Variants in ACYP2 observed in about 807,000 individuals in gnomAD.
ACYP2 encodes acylphosphatase 2, also known as acylphosphatase-2.
Under a neutral mutation model 11.2 loss-of-function variants are expected in ACYP2, and 12 were observed. The ratio of observed to expected loss-of-function variants is 1.08; its 90% CI spans 0.69 to 1.74. The LOEUF (loss-of-function observed/expected upper bound fraction) is 1.74. Ranked by LOEUF, ACYP2 falls within the 40% of genes most tolerant of loss-of-function variation. ACYP2 has a pLI of 0.00. For missense variants in ACYP2, 134 were observed against 101.9 expected (o/e 1.31, Z -1.35); for synonymous variants, 43 against 32.2 (o/e 1.33, Z -1.13).
chr2:54,086,515 T>C (rs1677956860), intron 4 of ACYP2, among the ~76,000 whole-genome samples: 1 of 152,160 alleles, frequency 6.6e-6, no homozygotes, highest in East Asian at 1.9e-4. Flanking sequence ...ATATAAGGTA[T>C]TTAGGAGATT....
At chr2:54,288,327 C>G (rs1689164715) in intron 6 of ACYP2, among the ~76,000 whole-genome samples, 1 of 151,958 alleles carries the variant, frequency 6.6e-6, no homozygotes, top group Non-Finnish European at 1.5e-5. Context: ...AAACTATAGC[C>G]TCATTAACTT....
chr2:54,216,433 T>G (rs1008256761), intron 6 of ACYP2, among the ~76,000 whole-genome samples: 3 of 152,176 alleles, frequency 2.0e-5, no homozygotes, highest in Non-Finnish European at 2.9e-5. Flanking sequence ...ATATTAAATA[T>G]GAAGATTAAT....
At chr2:54,203,983 T>TTTG (rs896182194) in intron 6 of ACYP2, among the ~76,000 whole-genome samples, 9 of 152,106 alleles carry the variant, frequency 5.9e-5, no homozygotes, top group South Asian at 4.2e-4. Context: ...TTATGAGGTT[T>TTTG]TTGTTGTTGT....
At chr2:53,983,953 A>G (rs911820703) in intron 2 of ACYP2, among the ~76,000 whole-genome samples, 1 of 152,204 alleles carries the variant, frequency 6.6e-6, no homozygotes, top group Non-Finnish European at 1.5e-5. Context: ...CCAGATTACA[A>G]GCAGTCATGG....
chr2:53,995,488 T>A lies in ACYP2; in HGVS notation c.62+21678T>A, dbSNP rs186321423. Among the ~76,000 whole-genome samples the A allele has an allele frequency of 6.3e-4, 92 of 145,112 alleles. 1 individual carries two copies. The South Asian group carries it at 8.2e-3, about 13-fold the overall frequency. ...ATTATTTTTTATTTATTTATTTATT[T>A]TTTATTTATTTATTTATTTATTTAT... On this transcript the variant is annotated intron_variant, in intron 2 of 6. Transcript: ENST00000607452.
At chr2:54,259,330 G>A (rs1391925653) in intron 6 of ACYP2, among the ~76,000 whole-genome samples, 1 of 152,134 alleles carries the variant, frequency 6.6e-6, no homozygotes, top group African/African-American at 2.4e-5. Context: ...CACATTTTGG[G>A]ATAATCAGCA....
intron 1 of ACYP2, among the ~76,000 whole-genome samples, chr2:53,972,746 G>A (rs1671231298): frequency 6.6e-6 from 1 of 152,242 alleles, no homozygotes; most frequent in Non-Finnish European, 1.5e-5. Context: ...CAGCAGAATG[G>A]CTTGGGCTTA....
intron 2 of ACYP2, among the ~76,000 whole-genome samples, chr2:54,015,109 G>A (rs570166697): frequency 6.0e-4 from 92 of 152,300 alleles, no homozygotes; most frequent in Admixed American, 4.7e-3. Context: ...GCTCATGCCT[G>A]TAATCCCAGC....
chr2:53,974,362 A>T (rs1671359842), intron 2 of ACYP2, among the ~76,000 whole-genome samples: 1 of 152,198 alleles, frequency 6.6e-6, no homozygotes, highest in Non-Finnish European at 1.5e-5. Flanking sequence ...TCAGAGGAGG[A>T]AAGCAGGGAA....
intron 6 of ACYP2, among the ~76,000 whole-genome samples, chr2:54,167,615 G>A (rs774118885): frequency 1.3e-5 from 2 of 152,100 alleles, no homozygotes; most frequent in Admixed American, 6.6e-5. Context: ...AATATGGCCT[G>A]GGTATGAAAG....
chr2:54,115,335 G>A (rs1321932670), intron 4 of ACYP2: 1 of 497,870 alleles, frequency 2.0e-6, no homozygotes, highest in Admixed American at 4.0e-5. Flanking sequence ...GCTGGGGGAA[G>A]CCACTCTTTT....
rs1483094839 is a variant in ACYP2, at chr2:53,984,527, A to G, written c.62+10717A>G. ...GGGGGGTGGGGGTTGCAGCGAGCCG[A>G]GATCGCACCACTGTACTCCAGCCTG... is the stretch of plus-strand genomic sequence containing the variant. On this transcript the variant is annotated intron_variant, in intron 2 of 6. Coordinates refer to ENST00000607452, the MANE Select transcript of ACYP2 (RefSeq NM_001320586.2). 2.6e-5 allele frequency among the ~76,000 whole-genome samples: 4 copies of G among 152,048 alleles called. No individual in the cohort carries two copies. In the East Asian group the frequency reaches 7.7e-4, roughly 29 times the overall value.
intron 6 of ACYP2, among the ~76,000 whole-genome samples, chr2:54,169,334 CT>C (rs1170363855): frequency 6.6e-6 from 1 of 152,134 alleles, no homozygotes; most frequent in African/African-American, 2.4e-5. Context: ...CCATGAGAGC[CT>C]CCCCTATCCC....
chr2:54,086,153 C>T (rs1047959878), intron 4 of ACYP2, among the ~76,000 whole-genome samples: 6 of 152,122 alleles, frequency 3.9e-5, no homozygotes, highest in Admixed American at 6.6e-5. Context: ...CCATGTTGGC[C>T]AGGCTGGTCT....
At chr2:54,158,785 T>TA (rs1439159786) in intron 6 of ACYP2, among the ~76,000 whole-genome samples, 5 of 152,108 alleles carry the variant, frequency 3.3e-5, no homozygotes, top group African/African-American at 1.2e-4. Context: ...CTTTTGTAAG[T>TA]AAAAAAATTG....
intron 4 of ACYP2, among the ~76,000 whole-genome samples, chr2:54,092,232 C>G (rs954584246): frequency 1.3e-5 from 2 of 152,140 alleles, no homozygotes; most frequent in Admixed American, 1.3e-4. Flanking sequence ...CTTATAGGCA[C>G]TTTCATTTAC....
At chr2:54,274,708 T>C (rs1244406019) in intron 6 of ACYP2, among the ~76,000 whole-genome samples, 4 of 137,714 alleles carry the variant, frequency 2.9e-5, no homozygotes. Flanking sequence ...TTATTGCAAA[T>C]CACTTAACCT....
At position 54,071,157 on chromosome 2, in the gene ACYP2, A is replaced by C. The variant is rs538322740; in HGVS notation, c.277+13797A>C. 8.5e-5 allele frequency among the ~76,000 whole-genome samples: 13 copies of C among 152,312 alleles called. No homozygotes were observed. In the South Asian group the frequency reaches 2.7e-3, roughly 32 times the overall value. ...TTTCTCAACTTAGAGAAAAACATCT[A>C]CAAAAAACCCACAGATAACATCACG... is the stretch of plus-strand genomic sequence containing the variant. On this transcript the variant is annotated intron_variant, in intron 4 of 6. Transcript: ENST00000607452.
intron 4 of ACYP2, among the ~76,000 whole-genome samples, chr2:54,124,272 G>A (rs372870947): frequency 9.9e-5 from 15 of 151,358 alleles, no homozygotes; most frequent in Admixed American, 2.6e-4. Context: ...TGGGCTCACC[G>A]CAACCTCCGC....
Sources: gnomAD v4.1 joint callset for allele counts (sites outside exome capture counted in the v4.1 genomes callset) on GRCh38, gnomAD v4.1.1 for gene constraint, MANE v1.5 for transcripts, NCBI Gene and HGNC (gene_info 2026-07-23, HGNC 2026-07-21) for gene names.